Variants in ADGRF5 observed in about 807,000 individuals in gnomAD.
The protein encoded by ADGRF5 is adhesion G protein-coupled receptor F5.
In ADGRF5, 75 loss-of-function variants were observed where a neutral mutation model predicts 132.3. The ratio of observed to expected loss-of-function variants is 0.57; its 90% confidence interval spans 0.47 to 0.69. The LOEUF is 0.69. Ranked by LOEUF, ADGRF5 falls within the 30% of genes least tolerant of loss-of-function variation. The probability of loss-of-function intolerance (pLI) is 0.00; values close to 1 mark genes in which losing one functional copy is unlikely to be tolerated. For synonymous variants in ADGRF5, 629 were observed against 597.6 expected (o/e 1.05, Z -0.77); for missense variants, 1,516 against 1,630.6 (o/e 0.93, Z 1.21).
At chr6:46,901,944 G>T (rs955749846) in intron 2 of ADGRF5, among the ~76,000 whole-genome samples, 3 of 152,166 alleles carry the variant, frequency 2.0e-5, no homozygotes, top group Non-Finnish European at 4.4e-5. Flanking sequence ...ATGCCCTTAG[G>T]AGGTACTGGT....
intron 1 of ADGRF5, among the ~76,000 whole-genome samples, chr6:46,931,029 G>A (rs1210250484): frequency 6.6e-6 from 1 of 152,070 alleles, no homozygotes; most frequent in East Asian, 1.9e-4. Flanking sequence ...ACCCCAGGCT[G>A]GGCAACAGAG....
In ADGRF5 at chr6:46,890,712, T is replaced by C. The variant is rs1036804107; in HGVS notation, c.158-2207A>G. On this transcript the variant is annotated intron_variant, in intron 3 of 20. Transcript: ENST00000283296. ...AGCCTGGGCGGCGAGAGACACTCTA[T>C]CTCAAAAAAAAGAAAAAAATAAGGA... Among the ~76,000 whole-genome samples the C allele has an allele frequency of 3.3e-5, 5 of 151,798 alleles. No individual in the cohort carries two copies. In the East Asian group the frequency reaches 9.7e-4, roughly 30 times the overall value.
chr6:46,934,982 C>T (rs1449470640), intron 1 of ADGRF5, among the ~76,000 whole-genome samples: 2 of 150,926 alleles, frequency 1.3e-5, no homozygotes, highest in Non-Finnish European at 2.9e-5. Flanking sequence ...GGGATCACCA[C>T]CATATGGTGA....
At chr6:46,942,386 C>T (rs761750) in intron 1 of ADGRF5, among the ~76,000 whole-genome samples, 78,201 of 152,074 alleles carry the variant, frequency 0.51, 21,047 homozygotes, top group East Asian at 0.64. Flanking sequence ...TAACGCAGCA[C>T]GCTATTAGAG....
chr6:46,870,718 C>T (rs1215121711), intron 11 of ADGRF5: 2 of 271,028 alleles, frequency 7.4e-6, no homozygotes, highest in Non-Finnish European at 1.5e-5. Context: ...AACTACCAGA[C>T]TAGTGATTTT....
rs765684377 is a variant in ADGRF5, at chr6:46,859,342, C to G, written c.2561G>C (p.Ser854Thr). 1.9e-5 allele frequency: 31 copies of G among 1,613,866 alleles called. 2 individuals are homozygous for G. The South Asian group carries it at 3.2e-4, about 17-fold the overall frequency. The change falls in exon 17 of 21, where the codon AGC (serine) becomes ACC (threonine). Residue 854 changes from serine to threonine, a missense_variant. Coordinates refer to ENST00000283296, the MANE Select transcript of ADGRF5 (RefSeq NM_001098518.2). ...GTGGCTGGACTTGATTACCATGCTG[C>G]TCATCTGCACATTAGTTTGGGAGAA... ...LSFSQTNVQM[S>T]SMVIKSSHPE...
intron 3 of ADGRF5, among the ~76,000 whole-genome samples, chr6:46,897,051 C>T (rs1774251994): frequency 6.6e-6 from 1 of 151,778 alleles, no homozygotes; most frequent in Admixed American, 6.6e-5. Flanking sequence ...ACCAATCCCC[C>T]ATGGATACCA....
In ADGRF5 at chr6:46,862,930, G is replaced by T; in HGVS notation, c.2157C>A (p.Asp719Glu). 1 of 1,612,916 alleles carries T rather than the reference G, an allele frequency of 6.2e-7. No homozygotes were observed. Among genetic ancestry groups the T allele is most frequent in the Non-Finnish European group, 8.5e-7 (1 of 1,179,506 alleles). Residue 719 changes from aspartate (D) to glutamate (E), a missense_variant, in exon 15 of 21, where the codon GAC becomes GAA. This residue lies in a region of ADGRF5 where 945 missense variants were observed against 929.4 expected (regional missense o/e 1.02). Coordinates refer to ENST00000283296, the MANE Select transcript of ADGRF5 (RefSeq NM_001098518.2). ...VGSQWEEKRN[D>E]CISAPINSLL... ...GACTGTTTATTGGGGCAGAGATGCA[G>T]TCATTTCTCTTCTCCTCCCACTGGG...
Position 46,879,941 on chromosome 6 carries a change from G to T in ADGRF5, c.913C>A (p.Arg305Ser), listed in dbSNP as rs367981925. Residue 305 changes from arginine (R) to serine (S), a missense_variant, in exon 9 of 21, where the codon CGC (arginine) becomes AGC (serine). Physicochemically the swap from Arg to Ser is moderately radical, Grantham distance 110. Around this residue, in one of 2 missense-constraint regions of ADGRF5, gnomAD observed 945 missense variants for 929.4 expected, o/e 1.02. Coordinates refer to ENST00000283296, the MANE Select transcript of ADGRF5 (RefSeq NM_001098518.2). ...ATTTCCAACTGCTGTTCTTCATAGCGCCAAGACACATTGGAGGACAAAACT... is the reference window on the plus strand; with the variant it reads ...ATTTCCAACTGCTGTTCTTCATAGCTCCAAGACACATTGGAGGACAAAACT... ...KEVLSSNVSW[R>S]YEEQQLEIQN... The T allele has an allele frequency of 4.3e-6, 7 of 1,613,626 alleles. No individual in the cohort carries two copies. Among genetic ancestry groups the T allele is most frequent in the Middle Eastern group, 1.6e-4 (1 of 6,062 alleles).
At chr6:46,888,208 C>A in intron 4 of ADGRF5, 127 bp downstream of exon 4, 1 of 660,790 alleles carries the variant, frequency 1.5e-6, no homozygotes, top group Non-Finnish European at 2.7e-6. Flanking sequence ...CACAGAATCA[C>A]ACATCCGTCT....
chr6:46,876,901 G>A (rs1179040658), intron 10 of ADGRF5, among the ~76,000 whole-genome samples: 7 of 13,496 alleles, frequency 5.2e-4, no homozygotes, highest in Non-Finnish European at 1.7e-3. Context: ...CACCGCCCCT[G>A]TTCTGATAAT....
At position 46,921,418 on chromosome 6, in the gene ADGRF5, A is replaced by G. The variant is rs568082016; in HGVS notation, c.-25+295T>C. Among the ~76,000 whole-genome samples, 19 of 116,774 alleles carry G rather than the reference A, an allele frequency of 1.6e-4. No individual in the cohort carries two copies. The East Asian group carries it at 5.9e-3, about 36-fold the overall frequency. 76.6% of individuals were successfully genotyped at this position (116,774 alleles called of 152,430 possible). On this transcript the variant is annotated intron_variant, in intron 1 of 20. Coordinates refer to ENST00000283296, the MANE Select transcript of ADGRF5 (RefSeq NM_001098518.2). ...TATTTTCTGGTTTAAGGACGAGAGA[A>G]CTTGTTTGAAAAAAAAAAAGTCTGT...
chr6:46,936,647 C>T (rs1561835649), intron 1 of ADGRF5, among the ~76,000 whole-genome samples: 2 of 152,176 alleles, frequency 1.3e-5, no homozygotes, highest in Non-Finnish European at 2.9e-5. Context: ...AAACAACTGT[C>T]CCCTAGGAGT....
chr6:46,913,356 A>G (rs112880135), intron 1 of ADGRF5, among the ~76,000 whole-genome samples: 63 of 152,268 alleles, frequency 4.1e-4, no homozygotes, highest in Middle Eastern at 3.4e-3. Flanking sequence ...AAAATCAGCC[A>G]GGCATTGTGG....
At chr6:46,879,700 G>T in intron 9 of ADGRF5, 118 bp downstream of exon 9, 1 of 726,942 alleles carries the variant, frequency 1.4e-6, no homozygotes, top group Non-Finnish European at 2.4e-6. Flanking sequence ...TGAACCAGGA[G>T]ACTTATTTTG....
chr6:46,887,542 A>T (rs1021840730), intron 4 of ADGRF5, among the ~76,000 whole-genome samples: 3 of 152,368 alleles, frequency 2.0e-5, no homozygotes, highest in Non-Finnish European at 1.5e-5. Flanking sequence ...TTCGAGTAAC[A>T]TATATTAAGA....
intron 1 of ADGRF5, among the ~76,000 whole-genome samples, chr6:46,950,805 G>A (rs576642012): frequency 2.0e-5 from 3 of 152,174 alleles, no homozygotes; most frequent in African/African-American, 4.8e-5. Flanking sequence ...GAGCCACTGC[G>A]CCTGGCTGAC....
At chr6:46,947,750 C>A (rs1426761163) in intron 1 of ADGRF5, among the ~76,000 whole-genome samples, 2 of 152,166 alleles carry the variant, frequency 1.3e-5, no homozygotes, top group Non-Finnish European at 2.9e-5. Context: ...CAAAACAATC[C>A]ATGAAGGCAT....
intron 13 of ADGRF5, among the ~76,000 whole-genome samples, chr6:46,865,411 C>T (rs1770301707): frequency 6.6e-6 from 1 of 152,212 alleles, no homozygotes. Context: ...TTCATGACTC[C>T]AAGTCACACA....
Sources: gnomAD v4.1 joint callset for allele counts (sites outside exome capture counted in the v4.1 genomes callset) on GRCh38, gnomAD v4.1.1 for gene constraint, gnomAD v4.1.1 regional missense constraint, MANE v1.5 for transcripts, NCBI Gene and HGNC (gene_info 2026-07-23, HGNC 2026-07-21) for gene names.